CA7: variants seen among roughly 807,000 people sequenced by gnomAD.
CA7 encodes carbonic anhydrase 7, also known as carbonate dehydratase VII.
Under a neutral mutation model 31.4 loss-of-function variants are expected in CA7, and 13 were observed. That is an observed-to-expected ratio of 0.41 (90% CI 0.27 to 0.66). CA7 has a LOEUF of 0.66. CA7 is among the 30% of genes least tolerant of loss of function. The probability of loss-of-function intolerance (pLI) is 0.28; values close to 1 mark genes in which losing one functional copy is unlikely to be tolerated. For synonymous variants in CA7, 128 were observed against 133.2 expected (o/e 0.96, Z 0.27); for missense variants, 215 against 351.0 (o/e 0.61, Z 3.10).
chr16:66,852,233 C>A (rs940570816), intron 5 of CA7, among the ~76,000 whole-genome samples: 4 of 152,124 alleles, frequency 2.6e-5, no homozygotes, highest in African/African-American at 9.7e-5. Flanking sequence ...GAGGCCGAGG[C>A]AGGCGGATCA....
At chr16:66,849,090 G>A (rs577215364) in intron 2 of CA7, among the ~76,000 whole-genome samples, 1 of 152,084 alleles carries the variant, frequency 6.6e-6, no homozygotes, top group African/African-American at 2.4e-5. Context: ...CTCTGAGCCT[G>A]GGGTGTTATC....
intron 2 of CA7, among the ~76,000 whole-genome samples, chr16:66,850,306 G>T (rs559375553): frequency 6.6e-6 from 1 of 152,106 alleles, no homozygotes; most frequent in South Asian, 2.1e-4. Context: ...TAGGTGTGGT[G>T]CCACATGCCT....
intron 2 of CA7, among the ~76,000 whole-genome samples, chr16:66,849,736 C>G (rs1960999975): frequency 6.6e-6 from 1 of 152,162 alleles, no homozygotes; most frequent in Non-Finnish European, 1.5e-5. Flanking sequence ...CTGTCAGTCC[C>G]AGACCCTTCT....
At chr16:66,850,751 C>T in intron 3 of CA7, 92 bp downstream of exon 3, 1 of 950,808 alleles carries the variant, frequency 1.1e-6, no homozygotes, top group African/African-American at 1.6e-5. Context: ...GGGGTCGGGC[C>T]TTGGAGAGGG....
At chr16:66,852,662 T>A in intron 5 of CA7, 50 bp from the exon 6 acceptor site, 1 of 1,437,090 alleles carries the variant, frequency 7.0e-7, no homozygotes, top group Non-Finnish European at 9.3e-7. Context: ...GCTGGTTTGG[T>A]CCCAGTGGGA....
At chr16:66,844,988 T>C in intron 1 of CA7, 1 of 990,970 alleles carries the variant, frequency 1.0e-6, no homozygotes. Context: ...GGGCGCAGTG[T>C]CCCCCGGAGA....
In CA7 at chr16:66,852,767, G is replaced by A. The variant is rs754532644; in HGVS notation, c.572G>A (p.Arg191Gln). 18 of 1,613,796 alleles carry A rather than the reference G, an allele frequency of 1.1e-5. No homozygotes were observed. The Middle Eastern group carries it at 4.9e-4, about 44-fold the overall frequency. The change falls in exon 6 of 7, where the codon CGG becomes CAG. Residue 191 changes from arginine to glutamine, a missense_variant. Coordinates refer to ENST00000338437, the MANE Select transcript of CA7 (RefSeq NM_005182.3). ...FNPKCLLPAS[R>Q]HYWTYPGSLT... ...CCCAAGTGCCTCCTGCCTGCCAGCC[G>A]GCACTACTGGACCTACCCGGGCTCT...
chr16:66,852,327 G>A (rs1434321101), intron 5 of CA7, among the ~76,000 whole-genome samples: 3 of 152,026 alleles, frequency 2.0e-5, no homozygotes, highest in Admixed American at 6.6e-5. Context: ...GCCAGGTATG[G>A]TGGTGCATGC....
Position 66,853,224 on chromosome 16 carries a change from A to T in CA7, c.673-152A>T. The T allele has an allele frequency of 1.1e-6, 1 of 949,566 alleles. No individual in the cohort carries two copies. Among genetic ancestry groups the T allele is most frequent in the Non-Finnish European group, 1.6e-6 (1 of 633,296 alleles). 58.8% of individuals were successfully genotyped at this position (949,566 alleles called of 1,614,324 possible). A position where few individuals can be genotyped will look rare whatever the true frequency, so the allele number is the denominator to read the frequency against. ...GTAAATAAATGAGGGTCCTGCAGAG[A>T]AAAATGAGTGGGGAAGAGTAGGGAC... is the stretch of plus-strand genomic sequence containing the variant. On this transcript the variant is annotated intron_variant, in intron 6 of 6. Transcript: ENST00000338437. This position sits in a 1 kb window ranked among gnomAD's most constrained non-coding sequence, Gnocchi z 4.5.
At position 66,844,606 on chromosome 16, in the gene CA7, G is replaced by A. The variant is rs1960884793; in HGVS notation, c.40+79G>A. The stretch of plus-strand genomic sequence containing the variant: ...CTCGCCCCAACCCTCTTGCCCAGCT[G>A]GTTTCCCAGACCGGAAAGCTCCCAC... On this transcript the variant is annotated intron_variant, in intron 1 of 6. Coordinates refer to ENST00000338437, the MANE Select transcript of CA7 (RefSeq NM_005182.3). The A allele has an allele frequency of 3.1e-6, 4 of 1,282,770 alleles. No homozygotes were observed. In the South Asian group the frequency reaches 4.1e-5, roughly 13 times the overall value. 79.5% of individuals were successfully genotyped at this position (1,282,770 alleles called of 1,614,324 possible).
At chr16:66,849,686 G>T (rs572410270) in intron 2 of CA7, among the ~76,000 whole-genome samples, 1 of 152,136 alleles carries the variant, frequency 6.6e-6, no homozygotes, top group African/African-American at 2.4e-5. Flanking sequence ...ATGGGAAATC[G>T]GGCAGGAGCG....
chr16:66,848,567 G>A (rs907525692), intron 2 of CA7, among the ~76,000 whole-genome samples: 5 of 152,140 alleles, frequency 3.3e-5, no homozygotes, highest in African/African-American at 1.2e-4. Context: ...GAATGCCCAG[G>A]CCGGAGGGCG....
Position 66,844,456 on chromosome 16 carries a change from G to A in CA7, c.-32G>A, listed in dbSNP as rs1452301274. ...CCGAACGAGCGGACCGAGCCGACCG[G>A]GCAGGTGCACGGCTGCGGGGACGGC... On this transcript the variant is annotated 5_prime_UTR_variant, in exon 1 of 7. Transcript: ENST00000338437. 1.3e-6 allele frequency: 2 copies of A among 1,532,360 alleles called. No individual in the cohort carries two copies. The highest frequency in any genetic ancestry group is 2.4e-5 in the South Asian group (2 of 82,220). 94.9% of individuals were successfully genotyped at this position (1,532,360 alleles called of 1,614,324 possible).
At chr16:66,850,098 C>T (rs978894245) in intron 2 of CA7, among the ~76,000 whole-genome samples, 5 of 138,242 alleles carry the variant, frequency 3.6e-5, no homozygotes, top group African/African-American at 5.5e-5. Flanking sequence ...ACTCCAGCCT[C>T]GGTGACAGAG....
chr16:66,844,495 G>T lies in CA7; in HGVS notation c.8G>T (p.Gly3Val), dbSNP rs1960882713. Residue 3 changes from glycine (G) to valine (V), a missense_variant, in exon 1 of 7, where the codon GGC becomes GTC. Physicochemically the swap from Gly to Val is moderately radical, Grantham distance 109. Transcript: ENST00000338437. MTGHHGWGYGQDD... is the reference protein window; with the variant it reads MTVHHGWGYGQDD... ...TGCGGGGACGGCAGCGGCATGACCG[G>T]CCACCACGGCTGGGGCTACGGCCAG... 2 of 1,542,860 alleles carry T rather than the reference G, an allele frequency of 1.3e-6. No individual in the cohort carries two copies. Among genetic ancestry groups the T allele is most frequent in the Non-Finnish European group, 1.7e-6 (2 of 1,144,026 alleles).
At chr16:66,852,581 G>T in intron 5 of CA7, 131 bp from the exon 6 acceptor site, 1 of 475,226 alleles carries the variant, frequency 2.1e-6, no homozygotes, top group Non-Finnish European at 3.0e-6. Context: ...AGAAAGAAAA[G>T]AAAAGAAAAA....
At position 66,847,218 on chromosome 16, in the gene CA7, G is replaced by A; in HGVS notation, c.229G>A (p.Asp77Asn). The change falls in exon 2 of 7, where the codon GAC becomes AAC. Residue 77 changes from aspartate to asparagine, a missense_variant. By Grantham distance (23) the Asp-to-Asn change is conservative. Coordinates refer to ENST00000338437, the MANE Select transcript of CA7 (RefSeq NM_005182.3). The part of the protein sequence containing the change: ...SVQVDFNDSD[D>N]RTVVTGGPLE... Reference sequence around the variant, plus strand: ...CCAGGTAGACTTCAATGACAGCGATGACCGAACCGGTAAGTGGCCCCTGCC... The same window carrying A: ...CCAGGTAGACTTCAATGACAGCGATAACCGAACCGGTAAGTGGCCCCTGCC... 6.2e-7 allele frequency: 1 copy of A among 1,614,170 alleles called. No homozygotes were observed. The highest frequency in any genetic ancestry group is 1.3e-5 in the African/African-American group (1 of 75,064).
In CA7 at chr16:66,853,998, T is replaced by G. The variant is rs957981052; in HGVS notation, c.*500T>G. On this transcript the variant is annotated 3_prime_UTR_variant, in exon 7 of 7. Transcript: ENST00000338437. This position sits in a 1 kb window ranked among gnomAD's most constrained non-coding sequence, Gnocchi z 4.5. ...AGCACCCAGCATGCTGGAGGTGACGTGGCCTTCTCCCTCCAGCCACCTGCT... is the reference window on the plus strand; with the variant it reads ...AGCACCCAGCATGCTGGAGGTGACGGGGCCTTCTCCCTCCAGCCACCTGCT... 1 of 155,692 alleles carries G rather than the reference T, an allele frequency of 6.4e-6. No homozygotes were observed. The highest frequency in any genetic ancestry group is 6.3e-5 in the Admixed American group (1 of 15,988). The allele number at this position is 155,692 out of a possible 1,614,324, so 9.6% of individuals were successfully genotyped here.
At chr16:66,847,598 G>A (rs2145378729) in intron 2 of CA7, among the ~76,000 whole-genome samples, 1 of 152,290 alleles carries the variant, frequency 6.6e-6, no homozygotes, top group African/African-American at 2.4e-5. Context: ...TGTGTGATCT[G>A]GCCAAGCCTA....
Sources: gnomAD v4.1 joint callset for allele counts (sites outside exome capture counted in the v4.1 genomes callset) on GRCh38, gnomAD v4.1.1 for gene constraint, Gnocchi (gnomAD v3.1) non-coding constraint, MANE v1.5 for transcripts, NCBI Gene and HGNC (gene_info 2026-07-23, HGNC 2026-07-21) for gene names.